The following ERCC6 variants were observed in gnomAD, a reference collection of about 807,000 sequenced individuals.
The protein encoded by ERCC6 is DNA excision repair protein ERCC-6.
A neutral mutation model predicts 158.7 loss-of-function variants in ERCC6; 116 were observed. That is an observed-to-expected ratio of 0.73 (90% CI 0.63 to 0.85). The LOEUF (loss-of-function observed/expected upper bound fraction) is 0.85. Among genes scored for constraint, ERCC6 ranks in the 40% least tolerant of loss-of-function variants. The pLI is 0.00. For synonymous variants in ERCC6, 678 were observed against 659.3 expected (o/e 1.03, Z -0.43); for missense variants, 1,698 against 1,799.4 (o/e 0.94, Z 1.02).
intron 5 of ERCC6, chr10:49,515,669 C>T (rs757845558): frequency 6.2e-7 from 1 of 1,613,988 alleles, no homozygotes; most frequent in Non-Finnish European, 8.5e-7. Flanking sequence ...GGCTTGAATA[C>T]CATTTCTTTC....
chr10:49,446,684 G>A, the ERCC6 span, among the ~76,000 whole-genome samples: 27 of 152,198 alleles, frequency 1.8e-4, no homozygotes, highest in African/African-American at 5.5e-4. Context: ...AGGCTGAGGC[G>A]GGAGGATCAC....
Position 49,514,356 on chromosome 10 carries a change from CA to C in ERCC6, c.1398-8345del, listed in dbSNP as rs1399614340. ...CATGTAATACACATTTTATACTAGACAAATCAATGTACACAACTGCCCATAC... is the reference window on the plus strand; with the variant it reads ...CATGTAATACACATTTTATACTAGACAATCAATGTACACAACTGCCCATAC... On this transcript the variant is annotated intron_variant, in intron 5 of 20. Transcript: ENST00000355832. Among the ~76,000 whole-genome samples, 4 of 152,210 alleles carry C rather than the reference CA, an allele frequency of 2.6e-5. No individual in the cohort carries two copies. The East Asian group carries it at 7.7e-4, about 29-fold the overall frequency.
At position 49,530,700 on chromosome 10, in the gene ERCC6, T is replaced by A; in HGVS notation, c.543+20A>T. ...GATGACTTTTTCAAAAATGCAATAC[T>A]GAATGTTATTCTGAATCACCTTATT... On this transcript the variant is annotated intron_variant, in intron 3 of 20. Transcript: ENST00000355832. The A allele has an allele frequency of 1.2e-6, 2 of 1,611,680 alleles. No individual in the cohort carries two copies. The highest frequency in any genetic ancestry group is 2.7e-5 in the African/African-American group (2 of 75,034).
At chr10:49,520,829 C>G (rs566673364) in intron 5 of ERCC6, among the ~76,000 whole-genome samples, 1 of 152,158 alleles carries the variant, frequency 6.6e-6, no homozygotes, top group African/African-American at 2.4e-5. Context: ...CCAAGGCAAT[C>G]CAAATGAGAA....
intron 5 of ERCC6, among the ~76,000 whole-genome samples, chr10:49,512,524 T>A (rs1321005818): frequency 6.6e-6 from 1 of 152,246 alleles, no homozygotes; most frequent in Admixed American, 6.5e-5. Context: ...GCCTTAAGCT[T>A]ATTTTAAAAA....
downstream of ERCC6, among the ~76,000 whole-genome samples, chr10:49,450,822 T>C (rs1850411256): frequency 6.6e-6 from 1 of 152,108 alleles, no homozygotes. Context: ...TACGATTTTT[T>C]TTTTTTTGAG....
chr10:49,489,327 G>T (rs1590424340), intron 8 of ERCC6, among the ~76,000 whole-genome samples: 1 of 152,248 alleles, frequency 6.6e-6, no homozygotes, highest in East Asian at 1.9e-4. Flanking sequence ...ACAACAGCAA[G>T]AATTACCTGA....
At chr10:49,515,610 T>C (rs770151886) in intron 5 of ERCC6, 2 of 1,614,118 alleles carry the variant, frequency 1.2e-6, no homozygotes, top group Non-Finnish European at 1.7e-6. Context: ...ATATGTTTTA[T>C]GCAATTGCCA....
At chr10:49,492,847 C>A (rs968040513) in intron 8 of ERCC6, among the ~76,000 whole-genome samples, 1 of 152,210 alleles carries the variant, frequency 6.6e-6, no homozygotes, top group Non-Finnish European at 1.5e-5. Context: ...CACTGCCAGG[C>A]TTGTGCCCTG....
At chr10:49,513,445 T>C (rs942530833) in intron 5 of ERCC6, among the ~76,000 whole-genome samples, 1 of 152,222 alleles carries the variant, frequency 6.6e-6, no homozygotes, top group African/African-American at 2.4e-5. Context: ...ATTCATTTAA[T>C]CTTTACAACC....
chr10:49,476,563 G>A lies in ERCC6; in HGVS notation c.2287-253C>T, dbSNP rs4253188. On this transcript the variant is annotated intron_variant, in intron 11 of 20. Coordinates refer to ENST00000355832, the MANE Select transcript of ERCC6 (RefSeq NM_000124.4). ...CCCCAAAGACTGGCTTCCTGCTCACGGGCAAGTTCAGTGCCCAGGTGCACA... is the reference window on the plus strand; with the variant it reads ...CCCCAAAGACTGGCTTCCTGCTCACAGGCAAGTTCAGTGCCCAGGTGCACA... Among the ~76,000 whole-genome samples the A allele has an allele frequency of 5.9e-3, 890 of 152,060 alleles. 2 individuals carry two copies. The highest frequency in any genetic ancestry group is 9.3e-3 in the Non-Finnish European group (633 of 67,982).
chr10:49,437,025 A>T, the ERCC6 span, among the ~76,000 whole-genome samples: 3 of 152,156 alleles, frequency 2.0e-5, no homozygotes, highest in Non-Finnish European at 4.4e-5. Context: ...TGTGGGAAGC[A>T]CCCGGTGAGA....
downstream of ERCC6, among the ~76,000 whole-genome samples, chr10:49,454,056 T>C (rs1419681715): frequency 2.0e-5 from 3 of 152,248 alleles, no homozygotes; most frequent in Admixed American, 6.5e-5. Context: ...TCTTCTGCTC[T>C]TCTTGTACTC....
intron 5 of ERCC6, among the ~76,000 whole-genome samples, chr10:49,511,291 C>T (rs1333042651): frequency 2.6e-5 from 4 of 152,130 alleles, no homozygotes; most frequent in African/African-American, 7.2e-5. Flanking sequence ...AAAGTCTAGA[C>T]TTAAACTATA....
intron 3 of ERCC6, among the ~76,000 whole-genome samples, chr10:49,529,545 CT>C (rs539373295): frequency 3.2e-4 from 49 of 152,308 alleles, no homozygotes; most frequent in African/African-American, 1.1e-3. Context: ...GAGGACCCAC[CT>C]GCCTTGGGCA....
At chr10:49,516,367 T>A in intron 5 of ERCC6, 1 of 1,614,180 alleles carries the variant, frequency 6.2e-7, no homozygotes, top group South Asian at 1.1e-5. Flanking sequence ...AGTTTGCTTA[T>A]GAGAGGTCGC....
At chr10:49,463,997 T>A (rs1169211242) in intron 18 of ERCC6, among the ~76,000 whole-genome samples, 1 of 152,142 alleles carries the variant, frequency 6.6e-6, no homozygotes, top group Non-Finnish European at 1.5e-5. Flanking sequence ...TGAAAAGATA[T>A]CCCAAAATGT....
rs771828895 is a variant in ERCC6, at chr10:49,471,122, T to TA, written c.2925-3dup. The TA allele has an allele frequency of 8.7e-6, 14 of 1,613,494 alleles. No individual in the cohort carries two copies. Among genetic ancestry groups the TA allele is most frequent in the African/African-American group, 1.3e-5 (1 of 74,958 alleles). On this transcript the variant is annotated splice_polypyrimidine_tract_variant and splice_region_variant and intron_variant, in intron 16 of 20. Transcript: ENST00000355832. ...GTCAAAAACTGCTTGAAGATTTGTC[T>TA]AAAAAAATAAAAGATAAGCTGGTAT...
chr10:49,473,104 T>C, intron 14 of ERCC6, 76 bp from the exon 15 acceptor site: 1 of 1,600,780 alleles, frequency 6.2e-7, no homozygotes, highest in South Asian at 1.1e-5. Flanking sequence ...CTCCACATAT[T>C]GTACACATGG....
Sources: allele counts gnomAD v4.1 joint callset (sites outside exome capture counted in the v4.1 genomes callset), GRCh38; gene constraint gnomAD v4.1.1; transcripts MANE v1.5; gene names NCBI Gene and HGNC (gene_info 2026-07-23, HGNC 2026-07-21).